Variants in NOP9 observed in about 807,000 individuals in gnomAD.
NOP9 encodes the protein NOP9 nucleolar protein, also known as nucleolar protein 9.
A neutral mutation model predicts 63.0 loss-of-function variants in NOP9; 50 were observed. The observed-to-expected ratio is 0.79, with a 90% CI of 0.63 to 1.00. The LOEUF is 1.00. NOP9 is among the 50% of genes least tolerant of loss of function. The probability of loss-of-function intolerance (pLI) is 0.00; values close to 1 mark genes in which losing one functional copy is unlikely to be tolerated. For synonymous variants in NOP9, 343 were observed against 332.8 expected (o/e 1.03, Z -0.33); for missense variants, 758 against 803.0 (o/e 0.94, Z 0.68).
Position 24,300,049 on chromosome 14 carries a change from T to C in NOP9, c.95T>C (p.Leu32Ser). ...GGGGCCAAGGGGTCGGGGCGCCCCT[T>C]ACCAGGCCGTAAGCGGCAACCCTGG... ...GRGAKGSGRP[L>S]PGRKRQPWPP... Residue 32 changes from leucine (L) to serine (S), a missense_variant, in exon 1 of 10, where the codon TTA becomes TCA. By Grantham distance (145) the Leu-to-Ser change is moderately radical. Transcript: ENST00000267425. The C allele has an allele frequency of 6.2e-7, 1 of 1,611,528 alleles. No homozygotes were observed. Among genetic ancestry groups the C allele is most frequent in the Non-Finnish European group, 8.5e-7 (1 of 1,179,500 alleles).
In NOP9 at chr14:24,299,877, A is replaced by C; in HGVS notation, c.-78A>C. ...CCGCGTTTCTAAACTTTGTCTGGAT[A>C]AGGCGCACGCTTGGCGACGTCGAAG... On this transcript the variant is annotated 5_prime_UTR_variant, in exon 1 of 10. Transcript: ENST00000267425. 6.8e-7 allele frequency: 1 copy of C among 1,474,088 alleles called. No individual in the cohort carries two copies. The allele number at this position is 1,474,088 out of a possible 1,614,324, so 91.3% of individuals were successfully genotyped here.
chr14:24,301,833 G>T (rs2041382618), intron 3 of NOP9, 111 bp downstream of exon 3: 1 of 1,483,426 alleles, frequency 6.7e-7, no homozygotes, highest in Non-Finnish European at 9.4e-7. Flanking sequence ...ACCTGGTCTG[G>T]TTTGACGTTC....
At chr14:24,274,708 A>G in the NOP9 span, among the ~76,000 whole-genome samples, 1 of 150,404 alleles carries the variant, frequency 6.6e-6, no homozygotes, top group Non-Finnish European at 1.5e-5. Flanking sequence ...TCCCAGGTTC[A>G]TGCCATTCTC....
the NOP9 span, among the ~76,000 whole-genome samples, chr14:24,280,353 C>T: frequency 6.6e-6 from 1 of 152,128 alleles, no homozygotes; most frequent in Non-Finnish European, 1.5e-5. Flanking sequence ...GGAGCTGGGG[C>T]TGTAGGTGAG....
At chr14:24,299,448 TC>T, upstream of NOP9, 1 of 245,392 alleles carries the variant, frequency 4.1e-6, no homozygotes, top group Admixed American at 5.1e-5. Flanking sequence ...CCACGCAGAG[TC>T]CTGGGCTATC....
chr14:24,304,371 A>G (rs2041438305), intron 8 of NOP9, 94 bp downstream of exon 8: 1 of 1,301,116 alleles, frequency 7.7e-7, no homozygotes, highest in Admixed American at 1.8e-5. Flanking sequence ...CAAAAAGGCT[A>G]TGTAATTCCT....
At chr14:24,303,911 G>T (rs1031146141) in intron 7 of NOP9, 54 bp downstream of exon 7, 1 of 1,603,914 alleles carries the variant, frequency 6.2e-7, no homozygotes, top group African/African-American at 1.3e-5. Flanking sequence ...GGCCTCCCAG[G>T]GTTTAGCAAG....
chr14:24,286,458 C>T, the NOP9 span, among the ~76,000 whole-genome samples: 7 of 152,208 alleles, frequency 4.6e-5, no homozygotes, highest in African/African-American at 1.7e-4. Context: ...GATGATTTTA[C>T]GTTTCTGCTT....
rs1410969944 is a variant in NOP9 at position 24,307,778 on chromosome 14, C to T, written c.*2683C>T. On this transcript the variant is annotated 3_prime_UTR_variant, in exon 10 of 10. Coordinates refer to ENST00000267425, the MANE Select transcript of NOP9 (RefSeq NM_174913.3). ...TGGAGTATTGTTGCCCTGCCTATAT[C>T]CCCTAAAGGTGGAGGGTAGAGCGGA... 5 of 1,567,274 alleles carry T rather than the reference C, an allele frequency of 3.2e-6. No homozygotes were observed. The African/African-American group carries it at 6.8e-5, about 21-fold the overall frequency.
the NOP9 span, chr14:24,290,912 AG>A: frequency 3.7e-6 from 6 of 1,614,024 alleles, no homozygotes; most frequent in Admixed American, 1.7e-5. Context: ...CGGAGGAAGG[AG>A]GGCAGGTAGG....
intron 8 of NOP9, 95 bp downstream of exon 8, chr14:24,304,372 T>C: frequency 7.7e-7 from 1 of 1,303,886 alleles, no homozygotes; most frequent in South Asian, 1.3e-5. Flanking sequence ...AAAAAGGCTA[T>C]GTAATTCCTA....
At position 24,304,253 on chromosome 14, in the gene NOP9, C is replaced by T. The variant is rs772945144; in HGVS notation, c.1623C>T (p.Arg541=). Residue 541 remains arginine, a synonymous_variant, in exon 8 of 10, where the codon CGC becomes CGT. Transcript: ENST00000267425. Reference sequence around the variant, plus strand: ...GCCCCTCTGTGACGCGCAAGCTGCGCCGCCGTGTGCTGCAGAACCTAAAGG... The same window carrying T: ...GCCCCTCTGTGACGCGCAAGCTGCGTCGCCGTGTGCTGCAGAACCTAAAGG... ...LTSPSVTRKL[R]RRVLQNLKGQ... 1.9e-6 allele frequency: 3 copies of T among 1,613,930 alleles called. No homozygotes were observed. The highest frequency in any genetic ancestry group is 1.6e-4 in the Middle Eastern group (1 of 6,062).
chr14:24,292,574 C>G, the NOP9 span: 1 of 1,611,308 alleles, frequency 6.2e-7, no homozygotes, highest in East Asian at 2.2e-5. Context: ...ATTCTGACCA[C>G]TGGGGATTGT....
chr14:24,286,302 G>A, the NOP9 span, among the ~76,000 whole-genome samples: 2 of 152,140 alleles, frequency 1.3e-5, no homozygotes, highest in African/African-American at 4.8e-5. Context: ...ACAATGTCTC[G>A]TCTGCTCACA....
intron 7 of NOP9, 65 bp downstream of exon 7, chr14:24,303,922 C>T (rs1271094105): frequency 9.4e-6 from 15 of 1,599,576 alleles, no homozygotes; most frequent in East Asian, 4.5e-5. Context: ...GTTTAGCAAG[C>T]GTCTGACTTC....
chr14:24,304,967 C>T lies in NOP9; in HGVS notation c.1783C>T (p.Pro595Ser), dbSNP rs766730017. 1.3e-6 allele frequency: 2 copies of T among 1,574,950 alleles called. No individual in the cohort carries two copies. Among genetic ancestry groups the T allele is most frequent in the South Asian group, 2.3e-5 (2 of 85,262 alleles). ...GEQNQELIRDPFGHHVARNVA... is the reference protein window; with the variant it reads ...GEQNQELIRDSFGHHVARNVA... ...GCAGAACCAGGAGCTGATAAGAGAC[C>T]CTTTCGGCCACCATGTGGCTCGAAA... is the stretch of plus-strand genomic sequence containing the variant. Residue 595 changes from proline (P) to serine (S), a missense_variant, in exon 10 of 10, where the codon CCT becomes TCT. Physicochemically the swap from Pro to Ser is moderately conservative, Grantham distance 74. Coordinates refer to ENST00000267425, the MANE Select transcript of NOP9 (RefSeq NM_174913.3).
the NOP9 span, among the ~76,000 whole-genome samples, chr14:24,290,043 G>C: frequency 6.6e-6 from 1 of 152,230 alleles, no homozygotes; most frequent in Non-Finnish European, 1.5e-5. Context: ...CCTCAGAATA[G>C]CCCTTGGCTC....
chr14:24,304,750 C>A, intron 9 of NOP9, 152 bp downstream of exon 9: 1 of 896,346 alleles, frequency 1.1e-6, no homozygotes, highest in Non-Finnish European at 1.7e-6. Context: ...TTTCCCCTTC[C>A]CTCCCGCTGA....
the NOP9 span, chr14:24,271,280 C>G: frequency 1.1e-6 from 1 of 881,000 alleles, no homozygotes; most frequent in South Asian, 2.3e-5. Flanking sequence ...GTAAAGAGGT[C>G]CTGGGACAGG....
Sources: allele counts gnomAD v4.1 joint callset (sites outside exome capture counted in the v4.1 genomes callset), GRCh38; gene constraint gnomAD v4.1.1; transcripts MANE v1.5; gene names NCBI Gene and HGNC (gene_info 2026-07-23, HGNC 2026-07-21).